SEC11C: variants seen among roughly 807,000 people sequenced by gnomAD.
The protein encoded by SEC11C is SEC11 homolog C, signal peptidase complex subunit, also known as signal peptidase complex catalytic subunit SEC11C.
In SEC11C, 10 loss-of-function variants were observed where a neutral mutation model predicts 21.9. That is an observed-to-expected ratio of 0.46 (90% CI 0.28 to 0.77). The LOEUF is 0.77. SEC11C is among the 30% of genes least tolerant of loss of function. The pLI is 0.12. For missense variants in SEC11C, 145 were observed against 244.5 expected (o/e 0.59, Z 2.71); for synonymous variants, 83 against 85.6 (o/e 0.97, Z 0.17).
intron 4 of SEC11C, chr18:59,156,296 T>C (rs1402644868): frequency 1.3e-5 from 2 of 155,024 alleles, no homozygotes; most frequent in African/African-American, 4.8e-5. Context: ...CTGTTTAACA[T>C]TTCAGGGAAT....
chr18:59,141,631 A>G lies in SEC11C; in HGVS notation c.87+1596A>G, dbSNP rs191932187. On this transcript the variant is annotated intron_variant, in intron 1 of 5. Coordinates refer to ENST00000587834, the MANE Select transcript of SEC11C (RefSeq NM_033280.4). ...ATTAAAATTCAGCAAGCTCAAATCT[A>G]CTGCTTCTTGGTACTTTTTAAAAAA... Among the ~76,000 whole-genome samples the G allele has an allele frequency of 6.0e-5, 9 of 150,056 alleles. No homozygotes were observed. In the East Asian group the frequency reaches 1.4e-3, roughly 23 times the overall value.
rs544662819 is a variant in SEC11C, at chr18:59,141,194, A to G, written c.87+1159A>G. 2.0e-5 allele frequency among the ~76,000 whole-genome samples: 3 copies of G among 152,178 alleles called. No homozygotes were observed. In the East Asian group the frequency reaches 5.8e-4, roughly 29 times the overall value. On this transcript the variant is annotated intron_variant, in intron 1 of 5. Transcript: ENST00000587834. ...CCCAAGTAGAATTTCAGACTAGTGCAGTAGTGTGGGAAAGTTTGATAATTT... is the reference window on the plus strand; with the variant it reads ...CCCAAGTAGAATTTCAGACTAGTGCGGTAGTGTGGGAAAGTTTGATAATTT...
intron 2 of SEC11C, among the ~76,000 whole-genome samples, chr18:59,151,496 A>C (rs963813531): frequency 3.9e-5 from 6 of 152,084 alleles, no homozygotes. Context: ...TGAATGCTTC[A>C]TCCATGTCCA....
intron 5 of SEC11C, among the ~76,000 whole-genome samples, chr18:59,158,033 C>G (rs1331860492): frequency 5.9e-5 from 9 of 152,044 alleles, no homozygotes; most frequent in Admixed American, 5.9e-4. Flanking sequence ...TATATATACA[C>G]ACACATATAT....
intron 1 of SEC11C, chr18:59,147,679 C>G (rs200448175): frequency 0.26 from 38,785 of 151,746 alleles, 5,612 homozygotes; most frequent in East Asian, 0.64. Flanking sequence ...TGAAGGGGAC[C>G]GTAGGGCTGA....
At chr18:59,149,755 G>T in intron 2 of SEC11C, 133 bp downstream of exon 2, 3 of 493,436 alleles carry the variant, frequency 6.1e-6, no homozygotes, top group South Asian at 4.4e-5. Flanking sequence ...TAAATTATTA[G>T]TCTTTATTGA....
chr18:59,151,319 C>CT lies in SEC11C; in HGVS notation c.198-1202dup, dbSNP rs34093810. ...GATGAAATTATCTTAAGCATTTTAGCTTTTTTTTTTTTTTTAACACTGAAA... is the reference window on the plus strand; with the variant it reads ...GATGAAATTATCTTAAGCATTTTAGCTTTTTTTTTTTTTTTTAACACTGAAA... On this transcript the variant is annotated intron_variant, in intron 2 of 5. Transcript: ENST00000587834. Among the ~76,000 whole-genome samples the CT allele has an allele frequency of 9.6e-3, 1,406 of 145,858 alleles. 13 individuals carry two copies. Among genetic ancestry groups the CT allele is most frequent in the African/African-American group, 0.014 (551 of 39,966 alleles).
intron 1 of SEC11C, among the ~76,000 whole-genome samples, chr18:59,142,678 C>T (rs763138621): frequency 1.4e-4 from 22 of 152,176 alleles, no homozygotes; most frequent in Admixed American, 1.1e-3. Context: ...TCTCTTCTAA[C>T]GGCTCACTTC....
In SEC11C at chr18:59,152,217, A is replaced by G. The variant is rs79296973; in HGVS notation, c.198-319A>G. On this transcript the variant is annotated intron_variant, in intron 2 of 5. Transcript: ENST00000587834. ...GCCTGCAGTTCTGGAGGAAAACACT[A>G]CTATATTTGTAGATGCAGGACTTTT... Among the ~76,000 whole-genome samples the G allele has an allele frequency of 2.6e-3, 395 of 151,992 alleles. 4 individuals carry two copies. Among genetic ancestry groups the G allele is most frequent in the South Asian group, 0.011 (53 of 4,822 alleles).
At chr18:59,146,050 C>G (rs182760434) in intron 1 of SEC11C, among the ~76,000 whole-genome samples, 1 of 152,142 alleles carries the variant, frequency 6.6e-6, no homozygotes, top group East Asian at 1.9e-4. Context: ...GGCGCATGAC[C>G]GCCCAGAGTG....
chr18:59,154,122 T>C (rs1195310103), intron 3 of SEC11C, among the ~76,000 whole-genome samples: 5 of 152,246 alleles, frequency 3.3e-5, no homozygotes, highest in Non-Finnish European at 7.3e-5. Flanking sequence ...GGTCCTGTAC[T>C]AACGGTTACT....
rs2144048654 is a variant in SEC11C at position 59,158,795 on chromosome 18, T to C, written c.*110T>C. 2.2e-6 allele frequency: 2 copies of C among 912,512 alleles called. No homozygotes were observed. The highest frequency in any genetic ancestry group is 1.7e-6 in the Non-Finnish European group (1 of 583,514). 56.5% of individuals were successfully genotyped at this position (912,512 alleles called of 1,614,324 possible). On this transcript the variant is annotated 3_prime_UTR_variant, in exon 6 of 6. Coordinates refer to ENST00000587834, the MANE Select transcript of SEC11C (RefSeq NM_033280.4). ...TGTATAAAAGGGAACAGTGTGGAGA[T>C]GTTTTTGTCTTGTCCAAATAAAAGA...
chr18:59,142,724 T>G (rs9950463), intron 1 of SEC11C, among the ~76,000 whole-genome samples: 31,196 of 152,160 alleles, frequency 0.21, 4,104 homozygotes, highest in East Asian at 0.39. Flanking sequence ...TGATCTTTGA[T>G]TTTTTCCGTT....
rs371730558 is a variant in SEC11C at position 59,149,635 on chromosome 18, G to A, written c.197+13G>A. The A allele has an allele frequency of 5.1e-6, 8 of 1,578,850 alleles. No homozygotes were observed. The highest frequency in any genetic ancestry group is 5.2e-6 in the Non-Finnish European group (6 of 1,149,402). ...TGGTGGTGCTGAGGTAGGTCCCCCA[G>A]GCTGGCCTCCAGCCTCCAACCTCCA... On this transcript the variant is annotated intron_variant, in intron 2 of 5. Coordinates refer to ENST00000587834, the MANE Select transcript of SEC11C (RefSeq NM_033280.4).
Position 59,158,141 on chromosome 18 carries a change from C to T in SEC11C, c.525+476C>T, listed in dbSNP as rs556272920. 3.0e-4 allele frequency among the ~76,000 whole-genome samples: 45 copies of T among 152,198 alleles called. No individual in the cohort carries two copies. The South Asian group carries it at 8.3e-3, about 28-fold the overall frequency. On this transcript the variant is annotated intron_variant, in intron 5 of 5. Transcript: ENST00000587834. ...CACAATTTCGGCTCACCACAACCTC[C>T]GCCTCCCAGGTTCAGGTGATTCTCC...
intron 4 of SEC11C, 134 bp downstream of exon 4, chr18:59,155,941 C>T: frequency 1.0e-6 from 1 of 999,730 alleles, no homozygotes; most frequent in South Asian, 1.5e-5. Flanking sequence ...TCTAGTTTAT[C>T]CTGTGAAGAC....
In SEC11C at chr18:59,158,664, G is replaced by A. The variant is rs753576936; in HGVS notation, c.558G>A (p.Val186=). ...TTTTGGCTGTAATGGGTGCATATGT[G>A]TTACTAAAACGTGAATCCTAAAATG... is the stretch of plus-strand genomic sequence containing the variant. ...YALLAVMGAY[V]LLKRES is the part of the protein sequence containing the mutation. The change falls in exon 6 of 6, where the codon GTG becomes GTA. Residue 186 remains valine (V), a synonymous_variant. Transcript: ENST00000587834. 1.1e-5 allele frequency: 18 copies of A among 1,613,634 alleles called. No homozygotes were observed. Among genetic ancestry groups the A allele is most frequent in the Non-Finnish European group, 1.5e-5 (18 of 1,179,754 alleles).
intron 1 of SEC11C, among the ~76,000 whole-genome samples, chr18:59,142,494 A>ATC (rs2069223527): frequency 6.6e-6 from 1 of 152,194 alleles, no homozygotes; most frequent in Admixed American, 6.6e-5. Flanking sequence ...GCGGTTATTT[A>ATC]TCAAATCCTT....
At chr18:59,155,597 G>C (rs2069409471) in intron 3 of SEC11C, 91 bp from the exon 4 acceptor site, 7 of 1,379,912 alleles carry the variant, frequency 5.1e-6, no homozygotes, top group Non-Finnish European at 4.0e-6. Flanking sequence ...AAATGCTCCT[G>C]TCTGACAGTA....
Sources: allele counts gnomAD v4.1 joint callset (sites outside exome capture counted in the v4.1 genomes callset), GRCh38; gene constraint gnomAD v4.1.1; transcripts MANE v1.5; gene names NCBI Gene and HGNC (gene_info 2026-07-23, HGNC 2026-07-21).